Variants in LRP2 observed in about 807,000 individuals in gnomAD.
LRP2 encodes the protein LDL receptor related protein 2.
In LRP2, 172 loss-of-function variants were observed where a neutral mutation model predicts 531.0. That is an observed-to-expected ratio of 0.32 (90% CI 0.29 to 0.37). The LOEUF (loss-of-function observed/expected upper bound fraction) is 0.37, where lower values mean the gene tolerates loss of function less well. LRP2 is among the 10% of genes least tolerant of loss of function. The pLI is 1.00. For synonymous variants in LRP2, 1,992 were observed against 2,027.6 expected (o/e 0.98, Z 0.47); for missense variants, 5,167 against 5,868.3 (o/e 0.88, Z 3.90).
At chr2:169,259,759 C>T (rs1348374442) in intron 16 of LRP2, among the ~76,000 whole-genome samples, 4 of 150,346 alleles carry the variant, frequency 2.7e-5, no homozygotes, top group East Asian at 2.0e-4. Flanking sequence ...AAAAAAAAAA[C>T]GCTTTCCTCT....
chr2:169,311,915 T>C (rs1379096638), intron 3 of LRP2, among the ~76,000 whole-genome samples: 1 of 152,236 alleles, frequency 6.6e-6, no homozygotes, highest in Non-Finnish European at 1.5e-5. Flanking sequence ...TTAGGATAGT[T>C]AGCTCTTCTT....
chr2:169,280,212 T>A, intron 11 of LRP2, 138 bp downstream of exon 11: 1 of 862,840 alleles, frequency 1.2e-6, no homozygotes, highest in Non-Finnish European at 1.8e-6. Context: ...ATGGAAAAGG[T>A]GCTGATTAAC....
At chr2:169,352,686 T>C (rs1187785352) in intron 1 of LRP2, among the ~76,000 whole-genome samples, 3 of 152,022 alleles carry the variant, frequency 2.0e-5, no homozygotes, top group South Asian at 2.1e-4. Flanking sequence ...AAGGAATGAG[T>C]TCATGTCATT....
chr2:169,346,370 A>G (rs1332901617), intron 1 of LRP2, among the ~76,000 whole-genome samples: 1 of 152,188 alleles, frequency 6.6e-6, no homozygotes, highest in African/African-American at 2.4e-5. Context: ...AAATTCTTTC[A>G]ACACTTCACT....
At chr2:169,259,254 A>G (rs1690438245) in intron 16 of LRP2, 37 bp from the exon 17 acceptor site, 3 of 1,539,286 alleles carry the variant, frequency 1.9e-6, no homozygotes, top group South Asian at 1.1e-5. Flanking sequence ...TAAGCTAAGT[A>G]TATTTTGTAA....
Position 169,182,230 on chromosome 2 carries a change from A to G in LRP2, c.9935T>C (p.Val3312Ala), listed in dbSNP as rs1304703394. 1 of 1,614,156 alleles carries G rather than the reference A, an allele frequency of 6.2e-7. No individual in the cohort carries two copies. The highest frequency in any genetic ancestry group is 1.7e-5 in the Admixed American group (1 of 60,016). The change falls in exon 51 of 79, where the codon GTG (valine) becomes GCG (alanine). Residue 3312 changes from valine (V) to alanine (A), a missense_variant. Around this residue, in one of 6 missense-constraint regions of LRP2, gnomAD observed 1,129 missense variants for 1,362.7 expected, o/e 0.83. Transcript: ENST00000649046. ...GHRRMLAQHCVDANNTFCFDN... is the reference protein window; with the variant it reads ...GHRRMLAQHCADANNTFCFDN... ...AAAGCAGAAGGTGTTGTTGGCATCC[A>G]CACAGTGCTGGGCCAGCATGCGGCG...
chr2:169,151,420 T>C (rs1016089446), intron 67 of LRP2, among the ~76,000 whole-genome samples: 3 of 152,168 alleles, frequency 2.0e-5, no homozygotes, highest in Non-Finnish European at 4.4e-5. Context: ...GACTGGCCTC[T>C]GACTGGCATT....
chr2:169,160,956 T>C (rs1287846632), intron 63 of LRP2, among the ~76,000 whole-genome samples: 3 of 152,242 alleles, frequency 2.0e-5, no homozygotes, highest in Admixed American at 6.5e-5. Flanking sequence ...AGGAGAAAAA[T>C]TGATAGAAAA....
At chr2:169,262,605 C>T (rs1185313053) in intron 16 of LRP2, among the ~76,000 whole-genome samples, 6 of 149,754 alleles carry the variant, frequency 4.0e-5, no homozygotes, top group Non-Finnish European at 8.9e-5. Context: ...AGGATACAAA[C>T]AAATGGAAGA....
chr2:169,263,279 A>C (rs1412215039), intron 16 of LRP2, among the ~76,000 whole-genome samples: 1 of 152,222 alleles, frequency 6.6e-6, no homozygotes, highest in Non-Finnish European at 1.5e-5. Context: ...TCTGCACAGC[A>C]AAAGAAACTA....
chr2:169,151,733 G>A (rs1686142252), intron 67 of LRP2, among the ~76,000 whole-genome samples: 1 of 152,164 alleles, frequency 6.6e-6, no homozygotes, highest in South Asian at 2.1e-4. Flanking sequence ...CTTCAAACAA[G>A]AAGACAGATC....
At chr2:169,214,989 G>A (rs989166103) in intron 35 of LRP2, among the ~76,000 whole-genome samples, 3 of 152,170 alleles carry the variant, frequency 2.0e-5, no homozygotes, top group African/African-American at 7.2e-5. Flanking sequence ...CTAGGAGAAA[G>A]GTTGGAGAGT....
At chr2:169,326,498 G>A (rs1249202098) in intron 1 of LRP2, among the ~76,000 whole-genome samples, 1 of 151,328 alleles carries the variant, frequency 6.6e-6, no homozygotes, top group Non-Finnish European at 1.5e-5. Context: ...GATTGCAGAC[G>A]GAGTCTGGTT....
chr2:169,352,168 G>A (rs1685868060), intron 1 of LRP2, among the ~76,000 whole-genome samples: 1 of 152,208 alleles, frequency 6.6e-6, no homozygotes, highest in Non-Finnish European at 1.5e-5. Flanking sequence ...ACCTGCAACA[G>A]TTATTTACCT....
Position 169,290,841 on chromosome 2 carries a change from T to C in LRP2, c.922+4A>G. On this transcript the variant is annotated splice_donor_region_variant and intron_variant, in intron 8 of 78. Transcript: ENST00000649046. ...AAGCTACCCAGGTAAATGTCTATAC[T>C]CACTACAGTATTTTCCGGTACTAGT... 6.2e-7 allele frequency: 1 copy of C among 1,613,936 alleles called. No homozygotes were observed. The highest frequency in any genetic ancestry group is 1.1e-5 in the South Asian group (1 of 91,054).
At chr2:169,136,552 G>T (rs11674531) in intron 76 of LRP2, among the ~76,000 whole-genome samples, 99,440 of 151,454 alleles carry the variant, frequency 0.66, 33,189 homozygotes, top group Middle Eastern at 0.74. Flanking sequence ...GAAAATGGCC[G>T]GTCCTTGCCT....
At position 169,137,264 on chromosome 2, in the gene LRP2, G is replaced by C. The variant is rs1040366068; in HGVS notation, c.13620+128C>G. The C allele has an allele frequency of 2.1e-5, 16 of 765,858 alleles. No homozygotes were observed. In the African/African-American group the frequency reaches 2.5e-4, roughly 12 times the overall value. 47.4% of individuals were successfully genotyped at this position (765,858 alleles called of 1,614,324 possible). ...TCCTGTTCCTGCAGATAGGGCAGCT[G>C]CAGCATGGACCACTCACTATGCTTC... On this transcript the variant is annotated intron_variant, in intron 76 of 78. Transcript: ENST00000649046.
chr2:169,148,463 T>C (rs569821709), intron 68 of LRP2, among the ~76,000 whole-genome samples: 1 of 152,188 alleles, frequency 6.6e-6, no homozygotes, highest in South Asian at 2.1e-4. Context: ...ACATACCATA[T>C]GTGAATTATA....
chr2:169,263,126 T>A (rs1242815098), intron 16 of LRP2, among the ~76,000 whole-genome samples: 19 of 152,108 alleles, frequency 1.2e-4, no homozygotes, highest in Non-Finnish European at 2.8e-4. Flanking sequence ...ATATTAGACC[T>A]AAAACCATAA....
Sources: allele counts gnomAD v4.1 joint callset (sites outside exome capture counted in the v4.1 genomes callset), GRCh38; gene constraint gnomAD v4.1.1; regional missense constraint gnomAD v4.1.1; transcripts MANE v1.5; gene names NCBI Gene and HGNC (gene_info 2026-07-23, HGNC 2026-07-21).